CCDC146: variants seen among roughly 807,000 people sequenced by gnomAD.
CCDC146 encodes coiled-coil domain containing 146.
CCDC146 carries 92 observed loss-of-function variants against 119.3 expected under a neutral mutation model. The observed-to-expected ratio is 0.77, with a 90% CI of 0.65 to 0.92. The LOEUF (loss-of-function observed/expected upper bound fraction) is 0.92, where lower values mean the gene tolerates loss of function less well. Among genes scored for constraint, CCDC146 ranks in the 40% least tolerant of loss-of-function variants. The pLI, the probability that CCDC146 is intolerant of heterozygous loss-of-function variation, is 0.00. For missense variants in CCDC146, 1,000 were observed against 1,103.0 expected (o/e 0.91, Z 1.32); for synonymous variants, 372 against 371.8 (o/e 1.00, Z -0.01).
chr7:77,281,247 A>G (rs757754935), intron 14 of CCDC146, among the ~76,000 whole-genome samples: 13 of 152,230 alleles, frequency 8.5e-5, no homozygotes, highest in Non-Finnish European at 1.6e-4. Context: ...TGCCTCTTAT[A>G]ACATCAGATT....
At chr7:77,251,175 A>G (rs776912280) in intron 4 of CCDC146, among the ~76,000 whole-genome samples, 1 of 151,834 alleles carries the variant, frequency 6.6e-6, no homozygotes, top group African/African-American at 2.4e-5. Context: ...GTGGCCGCCA[A>G]TACGCCCAGC....
At chr7:77,233,192 G>A (rs1184462403) in intron 2 of CCDC146, among the ~76,000 whole-genome samples, 3 of 151,534 alleles carry the variant, frequency 2.0e-5, no homozygotes, top group East Asian at 1.9e-4. Flanking sequence ...GGGTTCAAGC[G>A]ATTCTCCTGC....
intron 2 of CCDC146, among the ~76,000 whole-genome samples, chr7:77,182,906 C>T (rs71573336): frequency 1.3e-5 from 2 of 152,084 alleles, no homozygotes; most frequent in Non-Finnish European, 2.9e-5. Flanking sequence ...TCCCAGGCCT[C>T]CCACCTCAAG....
intron 4 of CCDC146, among the ~76,000 whole-genome samples, chr7:77,251,756 T>C (rs1333648257): frequency 6.6e-6 from 1 of 152,164 alleles, no homozygotes; most frequent in East Asian, 1.9e-4. Context: ...TCTCTTTTGC[T>C]CGCTCGCTCT....
intron 9 of CCDC146, among the ~76,000 whole-genome samples, chr7:77,271,489 A>T (rs1793513325): frequency 7.2e-6 from 1 of 138,332 alleles, no homozygotes; most frequent in Non-Finnish European, 1.5e-5. Flanking sequence ...TTATATATAT[A>T]TATATACACA....
intron 5 of CCDC146, among the ~76,000 whole-genome samples, chr7:77,255,080 C>T (rs1302567011): frequency 6.6e-6 from 1 of 152,154 alleles, no homozygotes; most frequent in East Asian, 1.9e-4. Flanking sequence ...CATATACCAG[C>T]CATTTGGTAG....
chr7:77,231,819 T>G (rs1584094794), intron 2 of CCDC146, among the ~76,000 whole-genome samples: 1 of 98,524 alleles, frequency 1.0e-5, no homozygotes, highest in Non-Finnish European at 2.5e-5. Context: ...GTTGTTGTTG[T>G]TTTTTTTTTT....
chr7:77,134,754 T>C (rs1790838442), intron 1 of CCDC146, among the ~76,000 whole-genome samples: 2 of 152,108 alleles, frequency 1.3e-5, no homozygotes, highest in African/African-American at 4.8e-5. Flanking sequence ...ATGTGTGTCC[T>C]GCAATGGAAT....
rs1792289473 is a variant in CCDC146, at chr7:77,215,691, A to AT, written c.157-21252dup. ...CTCTTTTCTCCACATCAAAATCCTGATTTTCAATGACATTATGTAATTATT... is the reference window on the plus strand; with the variant it reads ...CTCTTTTCTCCACATCAAAATCCTGATTTTTCAATGACATTATGTAATTATT... On this transcript the variant is annotated intron_variant, in intron 2 of 18. Coordinates refer to ENST00000285871, the MANE Select transcript of CCDC146 (RefSeq NM_020879.3). Among the ~76,000 whole-genome samples, 4 of 152,044 alleles carry AT rather than the reference A, an allele frequency of 2.6e-5. No individual in the cohort carries two copies. The South Asian group carries it at 8.3e-4, about 31-fold the overall frequency.
intron 2 of CCDC146, among the ~76,000 whole-genome samples, chr7:77,233,241 A>C (rs577827980): frequency 6.6e-6 from 1 of 152,092 alleles, no homozygotes; most frequent in Admixed American, 6.5e-5. Context: ...GGCATGCGCC[A>C]CCATGCCCAG....
chr7:77,189,251 C>T (rs1562827058), intron 2 of CCDC146, among the ~76,000 whole-genome samples: 1 of 152,162 alleles, frequency 6.6e-6, no homozygotes, highest in Non-Finnish European at 1.5e-5. Flanking sequence ...TTCCTGGCAG[C>T]TCCATCCTTC....
chr7:77,169,960 T>A (rs549797601), intron 2 of CCDC146, among the ~76,000 whole-genome samples: 1 of 152,214 alleles, frequency 6.6e-6, no homozygotes, highest in Non-Finnish European at 1.5e-5. Context: ...TGAATATTTA[T>A]ATCCACACAA....
intron 17 of CCDC146, among the ~76,000 whole-genome samples, chr7:77,290,710 A>G (rs1204703705): frequency 7.1e-6 from 1 of 140,910 alleles, no homozygotes; most frequent in African/African-American, 2.9e-5. Flanking sequence ...TATTTGATAC[A>G]TGCTGCTTAA....
chr7:77,253,784 A>G (rs1035739417), intron 4 of CCDC146, among the ~76,000 whole-genome samples: 3 of 152,226 alleles, frequency 2.0e-5, no homozygotes, highest in Non-Finnish European at 4.4e-5. Context: ...AGGCACCTCT[A>G]TGAGAAGATG....
intron 2 of CCDC146, among the ~76,000 whole-genome samples, chr7:77,172,434 C>T (rs921895012): frequency 6.6e-6 from 1 of 152,184 alleles, no homozygotes; most frequent in African/African-American, 2.4e-5. Context: ...TCCAAGGGTC[C>T]AGTTGCTTGG....
Position 77,294,966 on chromosome 7 carries a change from ATAAG to A in CCDC146, c.*105_*108del. The A allele has an allele frequency of 1.1e-6, 1 of 927,106 alleles. No individual in the cohort carries two copies. Among genetic ancestry groups the A allele is most frequent in the Non-Finnish European group, 1.6e-6 (1 of 625,146 alleles). 57.4% of individuals were successfully genotyped at this position (927,106 alleles called of 1,614,324 possible). On this transcript the variant is annotated 3_prime_UTR_variant, in exon 19 of 19. Transcript: ENST00000285871. ...GAGCATAATACTTCTAATATTATTG[ATAAG>A]TAAGGTAACCACAATTAGTCAGCAA...
chr7:77,176,645 C>G (rs3095462), intron 2 of CCDC146, among the ~76,000 whole-genome samples: 19,062 of 152,012 alleles, frequency 0.13, 1,779 homozygotes, highest in Non-Finnish European at 0.18. Context: ...AGAATTGCAA[C>G]TTGATACCTA....
At chr7:77,144,065 ATTTG>A (rs1790978070) in intron 1 of CCDC146, among the ~76,000 whole-genome samples, 1 of 151,762 alleles carries the variant, frequency 6.6e-6, no homozygotes, top group Non-Finnish European at 1.5e-5. Context: ...ATGTTATTCC[ATTTG>A]TTTGTATCTT....
chr7:77,280,818 A>T (rs1417451061), intron 14 of CCDC146, among the ~76,000 whole-genome samples, 165 bp downstream of exon 14: 1 of 152,120 alleles, frequency 6.6e-6, no homozygotes, highest in Non-Finnish European at 1.5e-5. Context: ...AATAAGAAAC[A>T]CTGTCCTCAC....
Sources: allele counts gnomAD v4.1 joint callset (sites outside exome capture counted in the v4.1 genomes callset), GRCh38; gene constraint gnomAD v4.1.1; transcripts MANE v1.5; gene names NCBI Gene and HGNC (gene_info 2026-07-23, HGNC 2026-07-21).